GAGE10: variants seen among roughly 807,000 people sequenced by gnomAD.
GAGE10 encodes the protein G antigen 10.
GAGE10 carries 9 observed loss-of-function variants against 11.5 expected under a neutral mutation model. The observed-to-expected ratio is 0.78, with a 90% CI of 0.47 to 1.37. The LOEUF is 1.37. Ranked by LOEUF, GAGE10 falls within the 40% of genes most tolerant of loss-of-function variation. GAGE10 has a pLI of 0.00. For synonymous variants in GAGE10, 23 were observed against 29.7 expected (o/e 0.77, Z 0.73); for missense variants, 83 against 92.9 (o/e 0.89, Z 0.44).
intron 3 of GAGE10, among the ~76,000 whole-genome samples, chrX:49,308,859 C>T (rs1472597998): frequency 9.0e-6 from 1 of 111,243 alleles, no homozygotes; most frequent in Non-Finnish European, 1.9e-5. Context: ...ATGTGGGAGC[C>T]TAACTAGGCT....
chrX:49,304,035 G>T (rs2066346561), intron 1 of GAGE10, among the ~76,000 whole-genome samples: 1 of 112,118 alleles, frequency 8.9e-6, no homozygotes, highest in Non-Finnish European at 1.9e-5. Flanking sequence ...AGGCGGTCAG[G>T]GGCTCAGGTG....
At chrX:49,312,005 C>A (rs1237564860) in intron 3 of GAGE10, among the ~76,000 whole-genome samples, 1 of 112,285 alleles carries the variant, frequency 8.9e-6, no homozygotes, top group Non-Finnish European at 1.9e-5. Flanking sequence ...TGTGAAAATC[C>A]CCAGATAACA....
chrX:49,307,488 TC>T (rs2066361686), intron 3 of GAGE10, among the ~76,000 whole-genome samples: 2 of 109,635 alleles, frequency 1.8e-5, no homozygotes, highest in African/African-American at 6.6e-5. Flanking sequence ...TTTTTTTTTT[TC>T]CTTTGTTGAG....
intron 3 of GAGE10, among the ~76,000 whole-genome samples, chrX:49,316,397 C>T (rs1250008288): frequency 1.8e-5 from 2 of 111,985 alleles, no homozygotes; most frequent in Admixed American, 9.5e-5. Flanking sequence ...ACCTGCCCCA[C>T]GAAATGCTTA....
At chrX:49,317,755 T>C (rs1602731672) in intron 4 of GAGE10, among the ~76,000 whole-genome samples, 1 of 110,526 alleles carries the variant, frequency 9.0e-6, no homozygotes, top group Non-Finnish European at 1.9e-5. Context: ...ACCCGACTGA[T>C]AGACTGTCAG....
At chrX:49,310,395 G>A (rs2066372349) in intron 3 of GAGE10, among the ~76,000 whole-genome samples, 1 of 111,726 alleles carries the variant, frequency 9.0e-6, no homozygotes, top group African/African-American at 3.3e-5. Context: ...GGGTGTGAAC[G>A]CAGTCATGGA....
intron 3 of GAGE10, among the ~76,000 whole-genome samples, chrX:49,305,906 C>CA (rs1359140191): frequency 5.4e-5 from 6 of 111,477 alleles, no homozygotes; most frequent in African/African-American, 1.6e-4. Context: ...GCTTAAAACT[C>CA]AAAGGCTTTA....
At chrX:49,310,209 T>G (rs1172372721) in intron 3 of GAGE10, among the ~76,000 whole-genome samples, 1 of 111,613 alleles carries the variant, frequency 9.0e-6, no homozygotes, top group Non-Finnish European at 1.9e-5. Context: ...ATTGCAGAAG[T>G]TAGAAGCTCC....
At chrX:49,311,461 A>G in intron 3 of GAGE10, among the ~76,000 whole-genome samples, 1 of 111,490 alleles carries the variant, frequency 9.0e-6, no homozygotes. Context: ...AGGAGGCTGT[A>G]TGTGCATTGC....
intron 2 of GAGE10, 33 bp downstream of exon 2, chrX:49,304,973 A>C (rs1569531421): frequency 8.5e-7 from 1 of 1,170,736 alleles, no homozygotes; most frequent in Admixed American, 2.3e-5. Context: ...GTTGTTTTCT[A>C]TTAGCAGAAA....
chrX:49,309,434 G>A (rs1179032025), intron 3 of GAGE10, among the ~76,000 whole-genome samples: 1 of 111,672 alleles, frequency 9.0e-6, no homozygotes, highest in Admixed American at 9.4e-5. Context: ...GACAGCCAGG[G>A]CATTCAGACC....
intron 3 of GAGE10, among the ~76,000 whole-genome samples, chrX:49,308,354 C>A (rs2066364491): frequency 8.9e-6 from 1 of 112,466 alleles, no homozygotes; most frequent in Admixed American, 9.4e-5. Context: ...CCAGGGGAGA[C>A]CTGGTATCCA....
chrX:49,308,432 G>C (rs1268258543), intron 3 of GAGE10, among the ~76,000 whole-genome samples: 5 of 112,092 alleles, frequency 4.5e-5, no homozygotes, highest in African/African-American at 1.6e-4. Flanking sequence ...GGCCTAGCTG[G>C]CTGCACAACG....
intron 3 of GAGE10, 51 bp from the exon 4 acceptor site, chrX:49,317,112 T>A: frequency 1.8e-6 from 2 of 1,130,368 alleles, no homozygotes; most frequent in Non-Finnish European, 2.4e-6. Flanking sequence ...ATTTTCTTAT[T>A]CATATTTCAT....
chrX:49,317,545 A>C (rs1160102317), intron 4 of GAGE10, among the ~76,000 whole-genome samples: 1 of 111,323 alleles, frequency 9.0e-6, no homozygotes, highest in African/African-American at 3.3e-5. Context: ...ACAGGGTTTC[A>C]TTATGTTGCA....
At chrX:49,315,711 G>A (rs782563143) in intron 3 of GAGE10, among the ~76,000 whole-genome samples, 1 of 112,511 alleles carries the variant, frequency 8.9e-6, no homozygotes, top group East Asian at 2.8e-4. Flanking sequence ...GCTAGAATGC[G>A]CAAGTTGGCC....
intron 3 of GAGE10, among the ~76,000 whole-genome samples, chrX:49,306,915 C>T (rs1313498028): frequency 1.8e-5 from 2 of 111,860 alleles, no homozygotes; most frequent in African/African-American, 3.3e-5. Context: ...TGCCTAGTTG[C>T]TGGTAATGTT....
chrX:49,309,845 A>G (rs1274003943), intron 3 of GAGE10, among the ~76,000 whole-genome samples: 1 of 111,648 alleles, frequency 9.0e-6, no homozygotes, highest in African/African-American at 3.3e-5. Context: ...TAAAGTGAAA[A>G]GCTAGAAAAG....
At chrX:49,313,909 C>T (rs1490640746) in intron 3 of GAGE10, among the ~76,000 whole-genome samples, 2 of 111,913 alleles carry the variant, frequency 1.8e-5, no homozygotes, top group Non-Finnish European at 3.8e-5. Flanking sequence ...GAGGATCCTA[C>T]AAGCTCTGCT....
Sources: gnomAD v4.1 joint callset for allele counts (sites outside exome capture counted in the v4.1 genomes callset) on GRCh38, gnomAD v4.1.1 for gene constraint, MANE v1.5 for transcripts, NCBI Gene and HGNC (gene_info 2026-07-23, HGNC 2026-07-21) for gene names.